Variants in MRTFA observed in about 807,000 individuals in gnomAD.
MRTFA encodes the protein myocardin related transcription factor A.
A neutral mutation model predicts 83.5 loss-of-function variants in MRTFA; 20 were observed. That is an observed-to-expected ratio of 0.24 (90% CI 0.17 to 0.35). MRTFA has a LOEUF of 0.35. MRTFA is among the 10% of genes least tolerant of loss of function. The probability of loss-of-function intolerance (pLI) is 1.00; values close to 1 mark genes in which losing one functional copy is unlikely to be tolerated. For synonymous variants in MRTFA, 659 were observed against 541.2 expected, an observed-to-expected ratio of 1.22 and a Z score of -3.02; for missense variants, 1,200 against 1,224.7, an observed-to-expected ratio of 0.98 and a Z score of 0.30.
intron 2 of MRTFA, chr22:40,587,194 T>G: frequency 2.2e-6 from 1 of 460,852 alleles, no homozygotes; most frequent in South Asian, 1.6e-5. Flanking sequence ...GCAGTTACTC[T>G]TGAGGAAACA....
intron 3 of MRTFA, among the ~76,000 whole-genome samples, chr22:40,489,166 T>A (rs1425139018): frequency 2.6e-5 from 4 of 152,108 alleles, no homozygotes; most frequent in African/African-American, 9.7e-5. Context: ...TCACTGGGTA[T>A]CTTTGAGTAT....
chr22:40,535,805 CA>C (rs772255427), intron 3 of MRTFA, among the ~76,000 whole-genome samples: 9 of 152,074 alleles, frequency 5.9e-5, no homozygotes, highest in Non-Finnish European at 1.3e-4. Flanking sequence ...TCCCTCCTGC[CA>C]AAACTGTTCG....
intron 2 of MRTFA, among the ~76,000 whole-genome samples, chr22:40,575,697 G>C (rs190382433): frequency 2.2e-4 from 33 of 152,288 alleles, no homozygotes; most frequent in Non-Finnish European, 3.4e-4. Flanking sequence ...CAAAGCATCT[G>C]ATTTTACAAG....
chr22:40,470,276 T>TATATAC (rs1164339704), intron 3 of MRTFA, among the ~76,000 whole-genome samples: 1 of 99,290 alleles, frequency 1.0e-5, no homozygotes, highest in African/African-American at 3.7e-5. Flanking sequence ...TATATATATA[T>TATATAC]ATATAAAGAA....
intron 2 of MRTFA, among the ~76,000 whole-genome samples, chr22:40,574,697 G>A (rs2055844202): frequency 6.6e-6 from 1 of 152,000 alleles, no homozygotes. Flanking sequence ...GCCTCCCAAA[G>A]TGCTGGGATT....
At chr22:40,487,157 A>C (rs1186260478) in intron 3 of MRTFA, among the ~76,000 whole-genome samples, 1 of 152,164 alleles carries the variant, frequency 6.6e-6, no homozygotes, top group Non-Finnish European at 1.5e-5. Context: ...TTGTGACTAT[A>C]ATCACCTCTC....
intron 1 of MRTFA, among the ~76,000 whole-genome samples, chr22:40,628,187 AG>A (rs2056602450): frequency 6.6e-6 from 1 of 152,140 alleles, no homozygotes; most frequent in South Asian, 2.1e-4. Flanking sequence ...TCATGTTGTA[AG>A]GATTATTAAC....
At chr22:40,587,359 G>T in intron 2 of MRTFA, 1 of 410,164 alleles carries the variant, frequency 2.4e-6, no homozygotes, top group South Asian at 1.9e-5. Context: ...GGAAGGCTTT[G>T]ACAATACAAT....
intron 3 of MRTFA, among the ~76,000 whole-genome samples, chr22:40,500,326 T>C (rs1004295512): frequency 7.7e-6 from 1 of 129,938 alleles, no homozygotes; most frequent in Non-Finnish European, 1.7e-5. Context: ...TCTTTTTTTT[T>C]GTTACAGTTT....
intron 3 of MRTFA, among the ~76,000 whole-genome samples, chr22:40,539,865 A>G (rs1032511298): frequency 6.0e-5 from 9 of 151,164 alleles, no homozygotes; most frequent in Admixed American, 1.3e-4. Context: ...AAATTCCTTA[A>G]TATCAGTTAA....
intron 2 of MRTFA, among the ~76,000 whole-genome samples, chr22:40,554,135 G>A (rs1206547624): frequency 6.6e-6 from 1 of 152,184 alleles, no homozygotes; most frequent in Non-Finnish European, 1.5e-5. Context: ...ACTTGCTTTC[G>A]ATTTTACAGG....
At chr22:40,614,153 G>GAT (rs1569353101) in intron 1 of MRTFA, among the ~76,000 whole-genome samples, 1 of 151,434 alleles carries the variant, frequency 6.6e-6, no homozygotes, top group African/African-American at 2.4e-5. Flanking sequence ...AGTAAGCCGG[G>GAT]ATCACACCAT....
Position 40,502,819 on chromosome 22 carries a change from C to T in MRTFA, c.242-39533G>A, listed in dbSNP as rs530982543. Among the ~76,000 whole-genome samples the T allele has an allele frequency of 7.9e-5, 12 of 152,294 alleles. 1 individual carries two copies. In the South Asian group the frequency reaches 2.3e-3, roughly 29 times the overall value. ...AGACAGCTCCGCTGCCCGCTGAACTCCATCCTCCCCCCATATTGCTTTCTT... is the reference window on the plus strand; with the variant it reads ...AGACAGCTCCGCTGCCCGCTGAACTTCATCCTCCCCCCATATTGCTTTCTT... On this transcript the variant is annotated intron_variant, in intron 3 of 14. Coordinates refer to ENST00000355630, the MANE Select transcript of MRTFA (RefSeq NM_020831.6).
chr22:40,459,830 CATATATATATATATATATAT>C lies in MRTFA; in HGVS notation c.307+3371_307+3390del, dbSNP rs55885079. Among the ~76,000 whole-genome samples, 121 of 86,946 alleles carry C rather than the reference CATATATATATATATATATAT, an allele frequency of 1.4e-3. 1 individual carries two copies. The highest frequency in any genetic ancestry group is 8.1e-3 in the East Asian group (25 of 3,070). The allele number at this position is 86,946 out of a possible 152,430, so 57.0% of individuals were successfully genotyped here. On this transcript the variant is annotated intron_variant, in intron 4 of 14. Coordinates refer to ENST00000355630, the MANE Select transcript of MRTFA (RefSeq NM_020831.6). ...ACACACACACACACACACATATATA[CATATATATATATATATATAT>C]ATATATATATATACACACATGAATG...
chr22:40,554,994 T>C (rs573279423), intron 2 of MRTFA, among the ~76,000 whole-genome samples: 2 of 152,380 alleles, frequency 1.3e-5, no homozygotes, highest in East Asian at 3.9e-4. Context: ...ATGGGGCCTG[T>C]AGCCCCTTTC....
chr22:40,412,147 A>C, intron 14 of MRTFA: 1 of 354,094 alleles, frequency 2.8e-6, no homozygotes, highest in Non-Finnish European at 5.0e-6. Context: ...ACAACAAAAA[A>C]CCAAACTTGA....
At chr22:40,509,987 A>G (rs1358246436) in intron 3 of MRTFA, among the ~76,000 whole-genome samples, 1 of 151,332 alleles carries the variant, frequency 6.6e-6, no homozygotes, top group Non-Finnish European at 1.5e-5. Flanking sequence ...TACTTTAAAA[A>G]AAAAAAAAAA....
At chr22:40,490,945 G>C (rs1396543645) in intron 3 of MRTFA, among the ~76,000 whole-genome samples, 4 of 151,946 alleles carry the variant, frequency 2.6e-5, no homozygotes, top group African/African-American at 7.2e-5. Context: ...TCATAACCTA[G>C]AACTCTTCTA....
chr22:40,533,980 T>C (rs2055125880), intron 3 of MRTFA, among the ~76,000 whole-genome samples: 2 of 152,192 alleles, frequency 1.3e-5, no homozygotes, highest in South Asian at 4.1e-4. Flanking sequence ...CAACTGCTTT[T>C]TTCCTCTCAA....
Sources: gnomAD v4.1 joint callset for allele counts (sites outside exome capture counted in the v4.1 genomes callset) on GRCh38, gnomAD v4.1.1 for gene constraint, MANE v1.5 for transcripts, NCBI Gene and HGNC (gene_info 2026-07-23, HGNC 2026-07-21) for gene names.